The following RBMS3 variants were observed in gnomAD, a reference collection of about 807,000 sequenced individuals.
The protein encoded by RBMS3 is RNA-binding motif, single-stranded-interacting protein 3.
RBMS3 carries 27 observed loss-of-function variants against 66.8 expected under a neutral mutation model. The observed-to-expected ratio is 0.40, with a 90% CI of 0.30 to 0.56. RBMS3 has a LOEUF of 0.56. RBMS3 is among the 20% of genes least tolerant of loss of function. The pLI is 0.40. For synonymous variants in RBMS3, 188 were observed against 183.0 expected (o/e 1.03, Z -0.22); for missense variants, 513 against 549.5 (o/e 0.93, Z 0.66).
intron 6 of RBMS3, among the ~76,000 whole-genome samples, chr3:29,819,596 A>G (rs1000162381): frequency 9.9e-5 from 15 of 152,116 alleles, no homozygotes; most frequent in African/African-American, 3.1e-4. Context: ...CAAATCATTT[A>G]TTTATCTAAT....
rs1172181891 is a variant in RBMS3 at position 29,944,203 on chromosome 3, A to G, written c.1051-4A>G. The G allele has an allele frequency of 6.3e-7, 1 of 1,584,032 alleles. No homozygotes were observed. Among genetic ancestry groups the G allele is most frequent in the Non-Finnish European group, 8.7e-7 (1 of 1,153,696 alleles). On this transcript the variant is annotated splice_polypyrimidine_tract_variant and splice_region_variant and intron_variant, in intron 11 of 14. Transcript: ENST00000383767. ...ATTCTTTCTCATGCTCTTTTCATTC[A>G]AAGATTCAATCCCAAGACAGGATTA...
intron 7 of RBMS3, among the ~76,000 whole-genome samples, chr3:29,876,456 A>G (rs2059613365): frequency 6.6e-6 from 1 of 152,232 alleles, no homozygotes; most frequent in Non-Finnish European, 1.5e-5. Context: ...TGAATTATTC[A>G]TGTATTAATT....
intron 4 of RBMS3, among the ~76,000 whole-genome samples, chr3:29,736,463 A>T (rs2054382774): frequency 6.6e-6 from 1 of 152,250 alleles, no homozygotes; most frequent in Admixed American, 6.5e-5. Context: ...GAATTTGGAT[A>T]AACTGGTGCA....
intron 4 of RBMS3, among the ~76,000 whole-genome samples, chr3:29,730,407 A>G (rs1301715073): frequency 6.6e-6 from 1 of 152,106 alleles, no homozygotes; most frequent in Admixed American, 6.5e-5. Flanking sequence ...ATGTTTTTGT[A>G]TGTTTACCAA....
At position 29,898,736 on chromosome 3, in the gene RBMS3, C is replaced by CGTGTGTGTGTGTGTGTGT. The variant is rs3072651; in HGVS notation, c.889-954_889-937dup. The stretch of plus-strand genomic sequence containing the variant: ...TGCAGGCCTGCCTGGTTGTAATGTG[C>CGTGTGTGTGTGTGTGTGT]GTGTGTGTGTGTGTGTGTGTGTGTG... On this transcript the variant is annotated intron_variant, in intron 9 of 14. Transcript: ENST00000383767. Among the ~76,000 whole-genome samples the CGTGTGTGTGTGTGTGTGT allele has an allele frequency of 1.6e-4, 23 of 142,532 alleles. 1 individual carries two copies. Among genetic ancestry groups the CGTGTGTGTGTGTGTGTGT allele is most frequent in the East Asian group, 8.4e-4 (4 of 4,754 alleles). The allele number at this position is 142,532 out of a possible 152,430, so 93.5% of individuals were successfully genotyped here.
At chr3:29,722,023 C>T (rs911383702) in intron 4 of RBMS3, among the ~76,000 whole-genome samples, 4 of 152,130 alleles carry the variant, frequency 2.6e-5, no homozygotes, top group Non-Finnish European at 5.9e-5. Flanking sequence ...GAAGCAGATG[C>T]TGAATTTCGT....
At chr3:29,706,959 G>T (rs1034484943) in intron 4 of RBMS3, among the ~76,000 whole-genome samples, 1 of 152,174 alleles carries the variant, frequency 6.6e-6, no homozygotes, top group African/African-American at 2.4e-5. Context: ...ACACAATCCT[G>T]AGGTCTTAGA....
At chr3:29,558,967 CCTTAAAGATTATTTAATACT>C (rs2046447540) in intron 3 of RBMS3, among the ~76,000 whole-genome samples, 1 of 152,040 alleles carries the variant, frequency 6.6e-6, no homozygotes, top group Non-Finnish European at 1.5e-5. Flanking sequence ...AAATAAACAG[CCTTAAAGATTATTTAATACT>C]GTATAAAAAT....
chr3:29,585,185 A>G (rs888519308), intron 3 of RBMS3, among the ~76,000 whole-genome samples: 1 of 152,156 alleles, frequency 6.6e-6, no homozygotes, highest in African/African-American at 2.4e-5. Context: ...TGAACGGATG[A>G]GGAAGATTGG....
intron 1 of RBMS3, among the ~76,000 whole-genome samples, chr3:29,345,012 A>C (rs1300277891): frequency 6.6e-6 from 1 of 152,182 alleles, no homozygotes; most frequent in African/African-American, 2.4e-5. Context: ...GTTGAATTTC[A>C]GTCATCCTGA....
intron 4 of RBMS3, among the ~76,000 whole-genome samples, chr3:29,598,585 CACAA>C (rs1347921574): frequency 1.3e-5 from 2 of 152,056 alleles, no homozygotes; most frequent in African/African-American, 4.8e-5. Context: ...CACACAAACA[CACAA>C]ACAAATACAT....
At chr3:29,302,636 T>A (rs115691805) in intron 1 of RBMS3, among the ~76,000 whole-genome samples, 3,215 of 152,182 alleles carry the variant, frequency 0.021, 40 homozygotes, top group South Asian at 0.056. Context: ...TCAGTAATTT[T>A]AAAATATATC....
intron 1 of RBMS3, among the ~76,000 whole-genome samples, chr3:29,384,306 A>G (rs1271153669): frequency 1.3e-5 from 2 of 152,026 alleles, no homozygotes; most frequent in Non-Finnish European, 2.9e-5. Context: ...TCAGAGTGAG[A>G]CTCTGTCTCA....
At chr3:29,516,339 C>T (rs1410436846) in intron 3 of RBMS3, among the ~76,000 whole-genome samples, 2 of 152,112 alleles carry the variant, frequency 1.3e-5, no homozygotes, top group African/African-American at 4.8e-5. Context: ...CAGGAGATGA[C>T]GATCTGAGTG....
At chr3:29,783,169 A>C (rs1389979653) in intron 6 of RBMS3, among the ~76,000 whole-genome samples, 2 of 152,196 alleles carry the variant, frequency 1.3e-5, no homozygotes, top group Non-Finnish European at 2.9e-5. Flanking sequence ...CTAGAGATCT[A>C]GACCCCCCAA....
chr3:29,382,949 T>C (rs1236945145), intron 1 of RBMS3, among the ~76,000 whole-genome samples: 1 of 152,216 alleles, frequency 6.6e-6, no homozygotes, highest in Non-Finnish European at 1.5e-5. Flanking sequence ...ATATTATGAA[T>C]GACGCCTCTG....
intron 4 of RBMS3, among the ~76,000 whole-genome samples, chr3:29,675,785 C>G (rs2051222578): frequency 6.6e-6 from 1 of 152,120 alleles, no homozygotes; most frequent in Admixed American, 6.5e-5. Context: ...ACAATAGGTG[C>G]TGGAGAGGAT....
At chr3:29,740,091 TA>T (rs536134354) in intron 5 of RBMS3, among the ~76,000 whole-genome samples, 59 of 152,028 alleles carry the variant, frequency 3.9e-4, no homozygotes, top group Admixed American at 2.0e-3. Flanking sequence ...CAAATGTACG[TA>T]GAATGTGTTT....
intron 6 of RBMS3, among the ~76,000 whole-genome samples, chr3:29,794,260 G>T (rs1455934635): frequency 5.3e-5 from 8 of 152,190 alleles, no homozygotes; most frequent in East Asian, 1.9e-4. Context: ...CCTCTCAATT[G>T]TTCCTTAGCT....
Sources: allele counts gnomAD v4.1 joint callset (sites outside exome capture counted in the v4.1 genomes callset), GRCh38; gene constraint gnomAD v4.1.1; transcripts MANE v1.5; gene names NCBI Gene and HGNC (gene_info 2026-07-23, HGNC 2026-07-21).